TBC1D9: variants seen among roughly 807,000 people sequenced by gnomAD.
The protein encoded by TBC1D9 is TBC1 domain family member 9, also known as TBC1 domain family member 9A.
TBC1D9 carries 63 observed loss-of-function variants against 132.0 expected under a neutral mutation model. The ratio of observed to expected loss-of-function variants is 0.48; its 90% CI spans 0.39 to 0.59. The LOEUF is 0.59. Ranked by LOEUF, TBC1D9 falls within the 20% of genes least tolerant of loss-of-function variation. TBC1D9 has a pLI of 0.00. For synonymous variants in TBC1D9, 610 were observed against 609.9 expected (o/e 1.00, Z 0.00); for missense variants, 1,261 against 1,592.7 (o/e 0.79, Z 3.54).
At chr4:140,644,663 C>T (rs1413317541) in intron 13 of TBC1D9, 1 of 418,662 alleles carries the variant, frequency 2.4e-6, no homozygotes, top group African/African-American at 2.1e-5. Context: ...AGGGCCTGGG[C>T]CGCCCGCTGC....
chr4:140,690,311 C>T (rs548168533), intron 2 of TBC1D9, among the ~76,000 whole-genome samples: 1 of 152,252 alleles, frequency 6.6e-6, no homozygotes, highest in East Asian at 1.9e-4. Flanking sequence ...TGCCTCAGGA[C>T]CTGCTGTCCC....
chr4:140,642,411 C>G, intron 13 of TBC1D9: 1 of 877,006 alleles, frequency 1.1e-6, no homozygotes, highest in Non-Finnish European at 1.9e-6. Flanking sequence ...CCTTGGCCAG[C>G]ACCTTCCTGT....
At chr4:140,658,265 G>C (rs956045695) in intron 11 of TBC1D9, among the ~76,000 whole-genome samples, 1 of 152,106 alleles carries the variant, frequency 6.6e-6, no homozygotes, top group African/African-American at 2.4e-5. Flanking sequence ...CTAGACAGTA[G>C]AGCCTTACTA....
chr4:140,727,285 C>G (rs1014193211), intron 1 of TBC1D9, among the ~76,000 whole-genome samples: 1 of 152,190 alleles, frequency 6.6e-6, no homozygotes, highest in African/African-American at 2.4e-5. Flanking sequence ...ATCTGATTCT[C>G]AAGCCCCTGA....
intron 15 of TBC1D9, among the ~76,000 whole-genome samples, chr4:140,638,309 C>T (rs1341749400): frequency 2.0e-5 from 3 of 151,966 alleles, no homozygotes; most frequent in South Asian, 2.1e-4. Flanking sequence ...ATACCTATGA[C>T]AAAAATATTT....
intron 1 of TBC1D9, among the ~76,000 whole-genome samples, chr4:140,736,681 G>C (rs1436774630): frequency 6.6e-6 from 1 of 152,110 alleles, no homozygotes; most frequent in Non-Finnish European, 1.5e-5. Context: ...AAGAAAGAGG[G>C]GTTTGCAGTT....
At chr4:140,664,291 C>CATGTAAGA (rs1737410842) in intron 9 of TBC1D9, among the ~76,000 whole-genome samples, 1 of 152,104 alleles carries the variant, frequency 6.6e-6, no homozygotes, top group African/African-American at 2.4e-5. Flanking sequence ...TAACAAAACA[C>CATGTAAGA]ATGTAAGAGT....
intron 1 of TBC1D9, among the ~76,000 whole-genome samples, chr4:140,734,501 C>T (rs958394080): frequency 2.0e-5 from 3 of 152,158 alleles, no homozygotes; most frequent in Non-Finnish European, 4.4e-5. Flanking sequence ...TTAGGCCATA[C>T]ATAACGCAGG....
intron 13 of TBC1D9, among the ~76,000 whole-genome samples, chr4:140,653,311 T>C (rs1737215351): frequency 6.6e-6 from 1 of 152,192 alleles, no homozygotes; most frequent in Non-Finnish European, 1.5e-5. Context: ...CGGCTAATTA[T>C]CCTGAAGAAC....
At chr4:140,672,743 C>T (rs2111011776) in intron 6 of TBC1D9, among the ~76,000 whole-genome samples, 1 of 152,236 alleles carries the variant, frequency 6.6e-6, no homozygotes, top group Middle Eastern at 3.4e-3. Context: ...GAAAGGAGAA[C>T]AATTACATTA....
At chr4:140,659,843 T>G (rs376694833) in intron 10 of TBC1D9, 138 bp from the exon 11 acceptor site, 5 of 620,560 alleles carry the variant, frequency 8.1e-6, no homozygotes, top group East Asian at 2.8e-5. Context: ...TGTTTAGGCT[T>G]TGGAGGCTTT....
chr4:140,754,046 T>C (rs56844600), intron 1 of TBC1D9, among the ~76,000 whole-genome samples: 19,706 of 152,186 alleles, frequency 0.13, 2,282 homozygotes, highest in African/African-American at 0.31. Context: ...ATTTACAAGA[T>C]GTAATTTTAC....
chr4:140,636,715 T>G (rs961395125), intron 15 of TBC1D9, among the ~76,000 whole-genome samples: 1 of 152,194 alleles, frequency 6.6e-6, no homozygotes, highest in African/African-American at 2.4e-5. Context: ...TTTAAAGTAC[T>G]AAGAAGTCTG....
intron 1 of TBC1D9, among the ~76,000 whole-genome samples, chr4:140,746,721 C>T (rs1738842346): frequency 6.6e-6 from 1 of 152,148 alleles, no homozygotes; most frequent in African/African-American, 2.4e-5. Flanking sequence ...TCTCGTGAGA[C>T]TTATTCACTA....
At chr4:140,687,397 A>ATATATATAT (rs1379765614) in intron 2 of TBC1D9, among the ~76,000 whole-genome samples, 1 of 57,082 alleles carries the variant, frequency 1.8e-5, no homozygotes, top group Non-Finnish European at 3.8e-5. Context: ...TATATATATA[A>ATATATATAT]ACATATAGTA....
In TBC1D9 at chr4:140,706,550, G is replaced by A. The variant is rs758831534; in HGVS notation, c.131-4936C>T. Among the ~76,000 whole-genome samples, 1 of 151,900 alleles carries A rather than the reference G, an allele frequency of 6.6e-6. No individual in the cohort carries two copies. Among genetic ancestry groups the A allele is most frequent in the East Asian group, 1.9e-4 (1 of 5,188 alleles). Reference sequence around the variant, plus strand: ...TTAACACTTTGCCTTACCTGCTTCCGATCTATTTTTTTTTTTAACAGAAAG... The same window carrying A: ...TTAACACTTTGCCTTACCTGCTTCCAATCTATTTTTTTTTTTAACAGAAAG... On this transcript the variant is annotated intron_variant, in intron 1 of 20. Transcript: ENST00000442267. The surrounding 1 kb of genome is among the most constrained non-coding windows in gnomAD (Gnocchi z 4.0).
chr4:140,659,667 G>A lies in TBC1D9; in HGVS notation c.1842C>T (p.Ala614=). Residue 614 remains alanine (A), a synonymous_variant, in exon 11 of 21, where the codon GCC becomes GCT. Coordinates refer to ENST00000442267, the MANE Select transcript of TBC1D9 (RefSeq NM_015130.3). ...GCAGCCAGAAAGCTTCCTCCTCTTTGGCATAAAGCAGCAGCACTGAAGTGA... is the reference window on the plus strand; with the variant it reads ...GCAGCCAGAAAGCTTCCTCCTCTTTAGCATAAAGCAGCAGCACTGAAGTGA... The part of the protein sequence containing the change: ...NIVTSVLLLY[A]KEEEAFWLLV... 1 of 1,607,584 alleles carries A rather than the reference G, an allele frequency of 6.2e-7. No individual in the cohort carries two copies. Among genetic ancestry groups the A allele is most frequent in the African/African-American group, 1.3e-5 (1 of 74,934 alleles).
At chr4:140,744,757 C>T (rs1034601314) in intron 1 of TBC1D9, among the ~76,000 whole-genome samples, 1 of 152,002 alleles carries the variant, frequency 6.6e-6, no homozygotes, top group African/African-American at 2.4e-5. Context: ...GTGGCACACA[C>T]CTGTAGTCCC....
At chr4:140,691,555 C>A (rs1034784320) in intron 2 of TBC1D9, among the ~76,000 whole-genome samples, 7 of 152,124 alleles carry the variant, frequency 4.6e-5, no homozygotes, top group African/African-American at 1.7e-4. Context: ...GCCCCATTTA[C>A]AGAGATGCAG....
Sources: allele counts gnomAD v4.1 joint callset (sites outside exome capture counted in the v4.1 genomes callset), GRCh38; gene constraint gnomAD v4.1.1; non-coding constraint Gnocchi (gnomAD v3.1); transcripts MANE v1.5; gene names NCBI Gene and HGNC (gene_info 2026-07-23, HGNC 2026-07-21).